Variants in RIC1 observed in about 807,000 individuals in gnomAD.
RIC1 encodes guanine nucleotide exchange factor subunit RIC1.
A neutral mutation model predicts 169.0 loss-of-function variants in RIC1; 88 were observed. The observed-to-expected ratio is 0.52, with a 90% CI of 0.44 to 0.62. RIC1 has a LOEUF of 0.62. Among genes scored for constraint, RIC1 ranks in the 20% least tolerant of loss-of-function variants. RIC1 has a pLI of 0.00. For synonymous variants in RIC1, 790 were observed against 601.5 expected (o/e 1.31, Z -4.59); for missense variants, 1,877 against 1,725.5 (o/e 1.09, Z -1.56).
intron 8 of RIC1, among the ~76,000 whole-genome samples, chr9:5,740,747 C>T (rs985362275): frequency 2.0e-5 from 3 of 152,096 alleles, no homozygotes; most frequent in East Asian, 3.9e-4. Flanking sequence ...GGTGGGTCTG[C>T]CTTTCCCAGC....
Position 5,629,250 on chromosome 9 carries a change from A to G in RIC1, c.-60A>G, listed in dbSNP as rs979816314. 1.1e-5 allele frequency: 14 copies of G among 1,313,036 alleles called. No individual in the cohort carries two copies. The highest frequency in any genetic ancestry group is 1.3e-5 in the Non-Finnish European group (13 of 1,029,326). 81.3% of individuals were successfully genotyped at this position (1,313,036 alleles called of 1,614,324 possible). On this transcript the variant is annotated 5_prime_UTR_variant, in exon 1 of 26. Transcript: ENST00000414202. ...GTGGCGGTGTGGGAGGTGGGCGACC[A>G]GCCCGGGGCCGCTGAGTGTGACGGA...
chr9:5,674,895 T>C (rs999730759), intron 2 of RIC1, among the ~76,000 whole-genome samples: 6 of 152,256 alleles, frequency 3.9e-5, no homozygotes, highest in African/African-American at 1.4e-4. Flanking sequence ...AATAAACTTC[T>C]AAATTGATTG....
intron 21 of RIC1, among the ~76,000 whole-genome samples, 153 bp downstream of exon 21, chr9:5,765,951 T>C (rs1826707406): frequency 6.6e-6 from 1 of 152,216 alleles, no homozygotes; most frequent in African/African-American, 2.4e-5. Context: ...CACAGAAGGC[T>C]TCCCTTTTTC....
At chr9:5,630,729 T>C (rs188917009) in intron 1 of RIC1, among the ~76,000 whole-genome samples, 49 of 152,310 alleles carry the variant, frequency 3.2e-4, no homozygotes, top group African/African-American at 1.1e-3. Flanking sequence ...TAGTGCCTGA[T>C]TGTATTTTGA....
intron 2 of RIC1, among the ~76,000 whole-genome samples, chr9:5,671,536 G>A (rs1355899719): frequency 1.3e-5 from 2 of 152,098 alleles, no homozygotes; most frequent in African/African-American, 4.8e-5. Flanking sequence ...CCGGCCTCCC[G>A]AAGTGTTGGG....
At chr9:5,634,351 A>T (rs1817867070) in intron 1 of RIC1, among the ~76,000 whole-genome samples, 1 of 152,164 alleles carries the variant, frequency 6.6e-6, no homozygotes, top group Admixed American at 6.5e-5. Flanking sequence ...TCAATAGTGT[A>T]CAGGGAGGGG....
chr9:5,751,363 T>TG (rs577587925), intron 12 of RIC1, among the ~76,000 whole-genome samples: 1 of 151,910 alleles, frequency 6.6e-6, no homozygotes, highest in East Asian at 1.9e-4. Context: ...TTTGGGGGTC[T>TG]GGGGGGCAGG....
chr9:5,678,945 C>A (rs544235146), intron 2 of RIC1, among the ~76,000 whole-genome samples: 9 of 151,112 alleles, frequency 6.0e-5, no homozygotes, highest in African/African-American at 2.0e-4. Flanking sequence ...ATGGTATTGC[C>A]TAGGTTTTCT....
At chr9:5,766,403 A>G (rs550294451) in intron 21 of RIC1, among the ~76,000 whole-genome samples, 4 of 152,256 alleles carry the variant, frequency 2.6e-5, no homozygotes, top group African/African-American at 9.6e-5. Context: ...GGTTACATTA[A>G]TAAGTTATTT....
chr9:5,742,783 A>G, intron 8 of RIC1, 86 bp from the exon 9 acceptor site: 2 of 1,215,948 alleles, frequency 1.6e-6, no homozygotes, highest in Non-Finnish European at 2.3e-6. Flanking sequence ...AGATTTGAAA[A>G]TACAGATTGT....
At chr9:5,765,214 T>G (rs1826638566) in intron 19 of RIC1, 200 bp from the exon 20 acceptor site, 1 of 539,812 alleles carries the variant, frequency 1.9e-6, no homozygotes. Flanking sequence ...TAGTAGGAGT[T>G]TAATAAATTA....
chr9:5,638,990 A>C (rs997170829), intron 1 of RIC1, among the ~76,000 whole-genome samples: 1 of 152,086 alleles, frequency 6.6e-6, no homozygotes, highest in Non-Finnish European at 1.5e-5. Context: ...ATCTCGTCTC[A>C]CTGTAGCCTC....
At chr9:5,649,841 A>G (rs967750472) in intron 1 of RIC1, among the ~76,000 whole-genome samples, 12 of 152,004 alleles carry the variant, frequency 7.9e-5, no homozygotes. Context: ...TCAGAGAGGT[A>G]GACTTTTTCC....
At chr9:5,640,028 C>G (rs1191750485) in intron 1 of RIC1, among the ~76,000 whole-genome samples, 1 of 152,184 alleles carries the variant, frequency 6.6e-6, no homozygotes, top group African/African-American at 2.4e-5. Flanking sequence ...CATTCACCCA[C>G]TCTCTGTCTT....
intron 2 of RIC1, among the ~76,000 whole-genome samples, chr9:5,657,552 C>G (rs886614450): frequency 6.6e-6 from 1 of 152,026 alleles, no homozygotes; most frequent in Non-Finnish European, 1.5e-5. Flanking sequence ...AGGTTACATG[C>G]GTAGTGTATA....
At chr9:5,725,663 T>G (rs1289838922) in intron 6 of RIC1, among the ~76,000 whole-genome samples, 1 of 152,204 alleles carries the variant, frequency 6.6e-6, no homozygotes, top group Non-Finnish European at 1.5e-5. Context: ...GGTGTCAATT[T>G]TAGATCTTTC....
rs187979441 is a variant in RIC1 at position 5,735,427 on chromosome 9, C to G, written c.812+2948C>G. Among the ~76,000 whole-genome samples, 7 of 152,312 alleles carry G rather than the reference C, an allele frequency of 4.6e-5. No homozygotes were observed. In the East Asian group the frequency reaches 9.6e-4, roughly 21 times the overall value. On this transcript the variant is annotated intron_variant, in intron 7 of 25. Transcript: ENST00000414202. Reference sequence around the variant, plus strand: ...GTGTTAGAATCCAGAAGAAGTACTCCTCCCTAGGCTATGGGCTTATAAGCT... The same window carrying G: ...GTGTTAGAATCCAGAAGAAGTACTCGTCCCTAGGCTATGGGCTTATAAGCT...
chr9:5,706,753 T>C (rs369101259), intron 3 of RIC1, among the ~76,000 whole-genome samples: 11 of 152,342 alleles, frequency 7.2e-5, no homozygotes, highest in Admixed American at 1.3e-4. Context: ...TACAATATTC[T>C]CTTATAACCC....
At position 5,747,352 on chromosome 9, in the gene RIC1, C is replaced by T. The variant is rs137864355; in HGVS notation, c.1299C>T (p.Asn433=). Reference sequence around the variant, plus strand: ...AGGGTGAGGATCGCTTGTACTTGAACTGTGGAGAGGCTTCACAAACCCAGA... The same window carrying T: ...AGGGTGAGGATCGCTTGTACTTGAATTGTGGAGAGGCTTCACAAACCCAGA... ...LLQGEDRLYL[N]CGEASQTQNP... is the part of the protein sequence containing the mutation. The change falls in exon 12 of 26, where the codon AAC becomes AAT. Residue 433 remains asparagine (N), a synonymous_variant. Coordinates refer to ENST00000414202, the MANE Select transcript of RIC1 (RefSeq NM_020829.4). The T allele has an allele frequency of 8.7e-6, 14 of 1,613,846 alleles. No individual in the cohort carries two copies. The highest frequency in any genetic ancestry group is 8.0e-5 in the African/African-American group (6 of 74,902).
Sources: gnomAD v4.1 joint callset for allele counts (sites outside exome capture counted in the v4.1 genomes callset) on GRCh38, gnomAD v4.1.1 for gene constraint, MANE v1.5 for transcripts, NCBI Gene and HGNC (gene_info 2026-07-23, HGNC 2026-07-21) for gene names.